Variants in EVL observed in about 807,000 individuals in gnomAD.
EVL encodes ena/VASP-like protein.
Under a neutral mutation model 59.6 loss-of-function variants are expected in EVL, and 21 were observed. The ratio of observed to expected loss-of-function variants is 0.35; its 90% CI spans 0.25 to 0.51. The LOEUF (loss-of-function observed/expected upper bound fraction) is 0.51, where lower values mean the gene tolerates loss of function less well. Among genes scored for constraint, EVL ranks in the 20% least tolerant of loss-of-function variants. EVL has a pLI of 0.97. For missense variants in EVL, 462 were observed against 546.6 expected, an observed-to-expected ratio of 0.85 and a Z score of 1.54; for synonymous variants, 198 against 203.5, an observed-to-expected ratio of 0.97 and a Z score of 0.23.
chr14:99,978,447 G>T (rs2060785082), intron 1 of EVL, among the ~76,000 whole-genome samples: 1 of 151,622 alleles, frequency 6.6e-6, no homozygotes, highest in Non-Finnish European at 1.5e-5. Flanking sequence ...TTCTTAAGTG[G>T]TTTTTCCAGA....
At position 100,013,816 on chromosome 14, in the gene EVL, A is replaced by T. The variant is rs2061033022; in HGVS notation, c.5+41759A>T. Among the ~76,000 whole-genome samples the T allele has an allele frequency of 3.3e-5, 5 of 152,302 alleles. No homozygotes were observed. In the South Asian group the frequency reaches 8.3e-4, roughly 25 times the overall value. On this transcript the variant is annotated intron_variant, in intron 1 of 13. Coordinates refer to the EVL transcript ENST00000402714. ...GCATACAATGGTCAGATTGTGCGGG[A>T]GCCAAATGCCAAGTTTGGGGGCTGA...
At chr14:100,046,646 G>A (rs947773951) in intron 1 of EVL, among the ~76,000 whole-genome samples, 5 of 149,026 alleles carry the variant, frequency 3.4e-5, no homozygotes, top group Non-Finnish European at 3.0e-5. Context: ...CAGCCTGGGC[G>A]ACAGAGCGAG....
At chr14:100,102,185 G>A in intron 3 of EVL, 1 of 451,320 alleles carries the variant, frequency 2.2e-6, no homozygotes, top group Non-Finnish European at 4.5e-6. Context: ...GCATACATTA[G>A]TAGGCAATTT....
rs1030879401 is a variant in EVL at position 100,143,864 on chromosome 14, C to A, written c.*126C>A. 3 of 1,139,266 alleles carry A rather than the reference C, an allele frequency of 2.6e-6. No individual in the cohort carries two copies. The highest frequency in any genetic ancestry group is 3.7e-6 in the Non-Finnish European group (3 of 800,684). 70.6% of individuals were successfully genotyped at this position (1,139,266 alleles called of 1,614,324 possible). A position where few individuals can be genotyped will look rare whatever the true frequency, so the allele number is the denominator to read the frequency against. On this transcript the variant is annotated 3_prime_UTR_variant, in exon 14 of 14. Coordinates refer to ENST00000392920, the MANE Select transcript of EVL (RefSeq NM_016337.3). ...GGAGCCTGGGCGCGCTGCTGTGAAA[C>A]GTCCTGACCTGTGATCACACATGAC...
chr14:100,071,883 C>T (rs2062055548), intron 1 of EVL, among the ~76,000 whole-genome samples: 1 of 152,100 alleles, frequency 6.6e-6, no homozygotes. Flanking sequence ...GCCTGAAGTA[C>T]TTCACAATAA....
intron 1 of EVL, among the ~76,000 whole-genome samples, chr14:99,985,772 A>G (rs2060836105): frequency 8.0e-6 from 1 of 124,242 alleles, no homozygotes; most frequent in Non-Finnish European, 1.5e-5. Flanking sequence ...CATCTCAGAA[A>G]GAAAAAAAAA....
chr14:100,023,186 T>G (rs2061154882), intron 1 of EVL, among the ~76,000 whole-genome samples: 1 of 148,856 alleles, frequency 6.7e-6, no homozygotes, highest in Non-Finnish European at 1.5e-5. Flanking sequence ...AGGTCACTTG[T>G]CCTTTTGCCC....
rs912181351 is a variant in EVL, at chr14:100,109,561, G to T, written c.358+11903G>T. 1 of 475,392 alleles carries T rather than the reference G, an allele frequency of 2.1e-6. No homozygotes were observed. Among genetic ancestry groups the T allele is most frequent in the Non-Finnish European group, 4.4e-6 (1 of 228,518 alleles). The allele number at this position is 475,392 out of a possible 1,614,324, so 29.4% of individuals were successfully genotyped here. On this transcript the variant is annotated intron_variant, in intron 3 of 13. Coordinates refer to ENST00000392920, the MANE Select transcript of EVL (RefSeq NM_016337.3). The surrounding 1 kb of genome is among the most constrained non-coding windows in gnomAD (Gnocchi z 4.3). ...CCAGCTTGCGCCCATGTCATATTGT[G>T]TGCCTCTCATAGCCTGGCACTTCCT... is the stretch of plus-strand genomic sequence containing the variant.
chr14:100,135,860 C>T, intron 8 of EVL, 45 bp from the exon 9 acceptor site: 1 of 1,584,806 alleles, frequency 6.3e-7, no homozygotes. Context: ...CCTGCCCTGG[C>T]CCCAGGTGGC....
chr14:100,044,505 T>C (rs2061518348), intron 1 of EVL, among the ~76,000 whole-genome samples: 1 of 152,300 alleles, frequency 6.6e-6, no homozygotes, highest in East Asian at 1.9e-4. Flanking sequence ...ATTTGAACAC[T>C]TTCAGTCTGC....
intron 1 of EVL, among the ~76,000 whole-genome samples, chr14:100,010,881 G>A (rs1667922325): frequency 6.6e-6 from 1 of 152,226 alleles, no homozygotes; most frequent in African/African-American, 2.4e-5. Flanking sequence ...TGAATCAAAT[G>A]TTCCGTTTTT....
intron 3 of EVL, chr14:100,107,253 C>T (rs1018288123): frequency 5.0e-6 from 2 of 398,654 alleles, no homozygotes; most frequent in Non-Finnish European, 8.8e-6. Context: ...AGAGCAGGGC[C>T]CTGGTGGCAC....
At chr14:100,079,787 G>A (rs2062252501) in intron 1 of EVL, among the ~76,000 whole-genome samples, 1 of 152,154 alleles carries the variant, frequency 6.6e-6, no homozygotes, top group Admixed American at 6.5e-5. Context: ...AGGGAGTGGG[G>A]GAGCAAGAGT....
In EVL at chr14:100,046,985, C is replaced by T. The variant is rs1422136458; in HGVS notation, c.6-37702C>T. Among the ~76,000 whole-genome samples, 3 of 151,584 alleles carry T rather than the reference C, an allele frequency of 2.0e-5. No individual in the cohort carries two copies. The East Asian group carries it at 5.9e-4, about 30-fold the overall frequency. ...AGCCAGGATGGTCTTGATCTCCTGA[C>T]CTCATGATCCACCCGCCTCGGCCTC... On this transcript the variant is annotated intron_variant, in intron 1 of 13. Coordinates refer to the EVL transcript ENST00000402714.
chr14:100,096,522 G>A (rs961744648), intron 2 of EVL, among the ~76,000 whole-genome samples: 5 of 152,100 alleles, frequency 3.3e-5, no homozygotes, highest in African/African-American at 1.2e-4. Flanking sequence ...CCATGCCATA[G>A]CCATATCACA....
At chr14:100,067,404 T>G (rs558567862) in intron 1 of EVL, among the ~76,000 whole-genome samples, 1 of 152,198 alleles carries the variant, frequency 6.6e-6, no homozygotes, top group Non-Finnish European at 1.5e-5. Flanking sequence ...GGAATTCTCT[T>G]GAGTGCATGA....
rs577842127 is a variant in EVL at position 100,119,978 on chromosome 14, G to A, written c.359-3561G>A. On this transcript the variant is annotated intron_variant, in intron 3 of 13. Coordinates refer to ENST00000392920, the MANE Select transcript of EVL (RefSeq NM_016337.3). The stretch of plus-strand genomic sequence containing the variant: ...TCATGGCCACAGAAGGTGACTCTGC[G>A]CTCTGCCACTGTGTGCAGAGCCACA... 2.4e-4 allele frequency among the ~76,000 whole-genome samples: 36 copies of A among 152,276 alleles called. No individual in the cohort carries two copies. In the East Asian group the frequency reaches 5.4e-3, roughly 23 times the overall value.
intron 1 of EVL, among the ~76,000 whole-genome samples, chr14:100,009,799 A>G (rs535254244): frequency 2.0e-5 from 3 of 152,230 alleles, no homozygotes; most frequent in Non-Finnish European, 4.4e-5. Context: ...ACATCAATCA[A>G]ATACATTTAA....
At chr14:100,143,243 A>G (rs1889302008) in intron 13 of EVL, among the ~76,000 whole-genome samples, 1 of 152,194 alleles carries the variant, frequency 6.6e-6, no homozygotes, top group African/African-American at 2.4e-5. Context: ...TCCAGGGCCA[A>G]GATTTCCTGC....
Sources: gnomAD v4.1 joint callset for allele counts (sites outside exome capture counted in the v4.1 genomes callset) on GRCh38, gnomAD v4.1.1 for gene constraint, Gnocchi (gnomAD v3.1) non-coding constraint, MANE v1.5 for transcripts, NCBI Gene and HGNC (gene_info 2026-07-23, HGNC 2026-07-21) for gene names.